The following ADAM10 variants were observed in gnomAD, a reference collection of about 807,000 sequenced individuals.
ADAM10 encodes disintegrin and metalloproteinase domain-containing protein 10.
ADAM10 carries 17 observed loss-of-function variants against 90.1 expected under a neutral mutation model. The observed-to-expected ratio is 0.19, with a 90% CI of 0.13 to 0.28. ADAM10 has a LOEUF of 0.28. Ranked by LOEUF, ADAM10 falls within the 10% of genes least tolerant of loss-of-function variation. ADAM10 has a pLI of 1.00. For missense variants in ADAM10, 610 were observed against 914.3 expected, an observed-to-expected ratio of 0.67 and a Z score of 4.29; for synonymous variants, 310 against 298.6, an observed-to-expected ratio of 1.04 and a Z score of -0.40.
At chr15:58,604,317 C>T (rs891298906) in intron 14 of ADAM10, among the ~76,000 whole-genome samples, 4 of 152,180 alleles carry the variant, frequency 2.6e-5, no homozygotes, top group Non-Finnish European at 5.9e-5. Flanking sequence ...GCCGAGATTA[C>T]GCCACTGCAC....
At chr15:58,691,176 T>G in intron 2 of ADAM10, 1 of 718,712 alleles carries the variant, frequency 1.4e-6, no homozygotes. Context: ...CCGCTCAACC[T>G]TCTTATCTAA....
At chr15:58,684,902 G>A (rs1319326562) in intron 2 of ADAM10, among the ~76,000 whole-genome samples, 8 of 152,076 alleles carry the variant, frequency 5.3e-5, no homozygotes, top group South Asian at 2.1e-4. Context: ...ACTGAATTAC[G>A]CTGAATTGTT....
intron 2 of ADAM10, chr15:58,686,387 C>T: frequency 1.1e-6 from 1 of 930,396 alleles, no homozygotes; most frequent in South Asian, 1.4e-5. Context: ...CAAGGCTGGG[C>T]CCTCGGAGCC....
At chr15:58,701,064 C>G (rs115399185) in intron 2 of ADAM10, among the ~76,000 whole-genome samples, 2 of 130,084 alleles carry the variant, frequency 1.5e-5, no homozygotes, top group African/African-American at 5.4e-5. Flanking sequence ...AACAGACACT[C>G]AAAAAACAAT....
At chr15:58,705,488 T>C (rs1323746868) in intron 2 of ADAM10, among the ~76,000 whole-genome samples, 1 of 152,180 alleles carries the variant, frequency 6.6e-6, no homozygotes, top group Non-Finnish European at 1.5e-5. Flanking sequence ...ACCAAACAGA[T>C]ACTGAGTCCC....
chr15:58,696,941 A>T (rs1897996770), intron 2 of ADAM10, among the ~76,000 whole-genome samples: 1 of 152,114 alleles, frequency 6.6e-6, no homozygotes, highest in African/African-American at 2.4e-5. Flanking sequence ...GGGGCCAAAC[A>T]GCCCCGGCAT....
In ADAM10 at chr15:58,596,686, G is replaced by GA. The variant is rs1189147083; in HGVS notation, c.*860dup. The stretch of plus-strand genomic sequence containing the variant: ...AATTTCACCTATTAATTGAAAAATG[G>GA]AATTGAATTAGAAAGTTTAAAAGAC... On this transcript the variant is annotated 3_prime_UTR_variant, in exon 16 of 16. Transcript: ENST00000260408. 1 of 152,130 alleles carries GA rather than the reference G, an allele frequency of 6.6e-6. No homozygotes were observed. The highest frequency in any genetic ancestry group is 1.5e-5 in the Non-Finnish European group (1 of 68,004). The allele number at this position is 152,130 out of a possible 1,614,324, so 9.4% of individuals were successfully genotyped here. A position where few individuals can be genotyped will look rare whatever the true frequency, so the allele number is the denominator to read the frequency against.
intron 4 of ADAM10, among the ~76,000 whole-genome samples, chr15:58,669,189 G>A (rs1225729133): frequency 6.6e-6 from 1 of 152,188 alleles, no homozygotes; most frequent in Non-Finnish European, 1.5e-5. Context: ...TAGCTGAGGT[G>A]TCTGACATGT....
chr15:58,649,021 T>C (rs1896622376), intron 5 of ADAM10, among the ~76,000 whole-genome samples: 1 of 152,118 alleles, frequency 6.6e-6, no homozygotes, highest in Non-Finnish European at 1.5e-5. Flanking sequence ...AATCTGATAA[T>C]ATTTATCTTT....
chr15:58,709,198 A>T (rs1227342770), intron 2 of ADAM10, among the ~76,000 whole-genome samples: 1 of 152,200 alleles, frequency 6.6e-6, no homozygotes, highest in African/African-American at 2.4e-5. Context: ...CCTTTAAGAA[A>T]ACGCCACAAC....
At chr15:58,726,543 C>A (rs553084083) in intron 1 of ADAM10, among the ~76,000 whole-genome samples, 7 of 106,290 alleles carry the variant, frequency 6.6e-5, no homozygotes, top group African/African-American at 2.6e-4. Context: ...CCAGCCTGGG[C>A]GACAGAGCGA....
At chr15:58,670,921 T>C (rs1897177027) in intron 4 of ADAM10, among the ~76,000 whole-genome samples, 1 of 152,174 alleles carries the variant, frequency 6.6e-6, no homozygotes, top group African/African-American at 2.4e-5. Context: ...ATTAGCACCA[T>C]GATCTAACAC....
chr15:58,652,064 T>C (rs550813210), intron 5 of ADAM10, among the ~76,000 whole-genome samples: 28 of 152,192 alleles, frequency 1.8e-4, no homozygotes, highest in African/African-American at 6.5e-4. Flanking sequence ...GAAATGTCTA[T>C]TCAGATCTTT....
intron 4 of ADAM10, among the ~76,000 whole-genome samples, chr15:58,667,187 A>G (rs1245724235): frequency 2.0e-5 from 3 of 152,278 alleles, no homozygotes; most frequent in East Asian, 1.9e-4. Flanking sequence ...TAAAACAAAG[A>G]TCAGCTTTAG....
intron 2 of ADAM10, among the ~76,000 whole-genome samples, chr15:58,706,341 T>C (rs1898287687): frequency 6.6e-6 from 1 of 152,198 alleles, no homozygotes; most frequent in Non-Finnish European, 1.5e-5. Context: ...AGCAGGCCTA[T>C]GACAGGCCTG....
At chr15:58,748,986 C>G (rs1899884627) in intron 1 of ADAM10, 1 of 399,244 alleles carries the variant, frequency 2.5e-6, no homozygotes, top group Non-Finnish European at 4.4e-6. Flanking sequence ...CGAGTCTGCG[C>G]GGCGGGTCTC....
chr15:58,700,445 T>C (rs907867154), intron 2 of ADAM10, among the ~76,000 whole-genome samples: 13 of 152,018 alleles, frequency 8.6e-5, no homozygotes, highest in Non-Finnish European at 1.6e-4. Context: ...ACTGTACAAA[T>C]ACATGAAAAT....
At chr15:58,628,676 A>ACAAC (rs1476489603) in intron 9 of ADAM10, among the ~76,000 whole-genome samples, 1 of 152,154 alleles carries the variant, frequency 6.6e-6, no homozygotes, top group African/African-American at 2.4e-5. Flanking sequence ...ATGCACTAAA[A>ACAAC]CAACCCTCAC....
At position 58,610,549 on chromosome 15, in the gene ADAM10, G is replaced by A. The variant is rs201532515; in HGVS notation, c.1805-32C>T. 2.7e-4 allele frequency: 424 copies of A among 1,590,856 alleles called. 2 individuals carry two copies. In the African/African-American group the frequency reaches 4.9e-3, roughly 19 times the overall value. On this transcript the variant is annotated intron_variant, in intron 13 of 15. Transcript: ENST00000260408. ...AAGAAATGCCAAATATAAGCTGAAGGTCAGATTCAAATATAAGTTGAAGAT... is the reference window on the plus strand; with the variant it reads ...AAGAAATGCCAAATATAAGCTGAAGATCAGATTCAAATATAAGTTGAAGAT...
Sources: gnomAD v4.1 joint callset for allele counts (sites outside exome capture counted in the v4.1 genomes callset) on GRCh38, gnomAD v4.1.1 for gene constraint, MANE v1.5 for transcripts, NCBI Gene and HGNC (gene_info 2026-07-23, HGNC 2026-07-21) for gene names.